Variants in SKAP2 observed in about 807,000 individuals in gnomAD.
The protein encoded by SKAP2 is src kinase-associated phosphoprotein 2.
SKAP2 carries 28 observed loss-of-function variants against 54.9 expected under a neutral mutation model. The observed-to-expected ratio is 0.51, with a 90% confidence interval of 0.38 to 0.70. The LOEUF is 0.70. SKAP2 is among the 30% of genes least tolerant of loss of function. The pLI is 0.00. For missense variants in SKAP2, 356 were observed against 424.1 expected (o/e 0.84, Z 1.41); for synonymous variants, 137 against 134.3 (o/e 1.02, Z -0.14).
At chr7:26,744,666 T>C (rs1293926735) in intron 4 of SKAP2, among the ~76,000 whole-genome samples, 1 of 152,098 alleles carries the variant, frequency 6.6e-6, no homozygotes, top group Non-Finnish European at 1.5e-5. Context: ...GGTGCCTCAA[T>C]ACACTATATT....
intron 9 of SKAP2, among the ~76,000 whole-genome samples, chr7:26,715,524 C>T (rs1562584865): frequency 6.6e-6 from 1 of 152,078 alleles, no homozygotes; most frequent in Non-Finnish European, 1.5e-5. Flanking sequence ...AGCCTGTAAT[C>T]GCAGCACTTT....
chr7:26,745,780 G>A (rs953339665), intron 4 of SKAP2, among the ~76,000 whole-genome samples: 1 of 152,248 alleles, frequency 6.6e-6, no homozygotes, highest in East Asian at 1.9e-4. Flanking sequence ...CTCCCAAAGT[G>A]CTGGTATTAT....
chr7:26,742,857 C>T (rs1782482618), intron 4 of SKAP2, among the ~76,000 whole-genome samples: 1 of 152,010 alleles, frequency 6.6e-6, no homozygotes, highest in African/African-American at 2.4e-5. Context: ...GATGGAAAAT[C>T]TGTTATAATA....
intron 4 of SKAP2, among the ~76,000 whole-genome samples, chr7:26,832,249 T>C (rs528771958): frequency 5.8e-4 from 89 of 152,330 alleles, no homozygotes; most frequent in Non-Finnish European, 1.1e-3. Flanking sequence ...GTAGTCCTTT[T>C]ACAGGAAAGA....
At chr7:26,756,351 C>T (rs899720681) in intron 4 of SKAP2, among the ~76,000 whole-genome samples, 2 of 152,060 alleles carry the variant, frequency 1.3e-5, no homozygotes, top group African/African-American at 4.8e-5. Flanking sequence ...CAACAGGTCC[C>T]GGTGTGTGAT....
At chr7:26,691,915 TG>T (rs146748593) in intron 9 of SKAP2, among the ~76,000 whole-genome samples, 1,629 of 152,284 alleles carry the variant, frequency 0.011, 29 homozygotes, top group African/African-American at 0.038. Context: ...TGAGGGGCCA[TG>T]AACATCTTGT....
intron 4 of SKAP2, among the ~76,000 whole-genome samples, chr7:26,840,543 A>G (rs767116427): frequency 9.2e-5 from 14 of 152,138 alleles, no homozygotes; most frequent in Non-Finnish European, 2.1e-4. Flanking sequence ...AAGTGTACAG[A>G]AAGGGATATT....
intron 4 of SKAP2, among the ~76,000 whole-genome samples, chr7:26,795,446 G>A (rs144115790): frequency 1.2e-3 from 177 of 152,164 alleles, no homozygotes; most frequent in Admixed American, 3.5e-3. Flanking sequence ...ACTTCTAAGT[G>A]GATTTTTGAA....
At chr7:26,710,772 G>A (rs955899970) in intron 9 of SKAP2, among the ~76,000 whole-genome samples, 2 of 152,116 alleles carry the variant, frequency 1.3e-5, no homozygotes, top group Non-Finnish European at 2.9e-5. Flanking sequence ...AGAAACTTCT[G>A]AAGTCTTTTT....
At chr7:26,747,214 A>G (rs146471701) in intron 4 of SKAP2, among the ~76,000 whole-genome samples, 11 of 152,302 alleles carry the variant, frequency 7.2e-5, no homozygotes, top group African/African-American at 2.4e-4. Flanking sequence ...AGATTCACCA[A>G]TGAATATACT....
chr7:26,804,738 C>CAA (rs11306463), intron 4 of SKAP2, among the ~76,000 whole-genome samples: 24 of 87,386 alleles, frequency 2.7e-4, no homozygotes, highest in African/African-American at 6.2e-4. Context: ...GACCCCGTCT[C>CAA]AAAAAAAAAA....
chr7:26,696,512 G>A (rs1786898082), intron 9 of SKAP2, among the ~76,000 whole-genome samples: 1 of 152,122 alleles, frequency 6.6e-6, no homozygotes, highest in South Asian at 2.1e-4. Context: ...AGATTTCTCA[G>A]GGGAAAAAAT....
chr7:26,683,833 T>C (rs1786568892), intron 11 of SKAP2, among the ~76,000 whole-genome samples: 1 of 152,148 alleles, frequency 6.6e-6, no homozygotes. Context: ...ACTATCTCTC[T>C]GAAAAGTCCA....
chr7:26,831,210 T>C (rs1298737760), intron 4 of SKAP2, among the ~76,000 whole-genome samples: 1 of 152,190 alleles, frequency 6.6e-6, no homozygotes, highest in East Asian at 1.9e-4. Context: ...ATGATGCCTA[T>C]GTATAAAATT....
chr7:26,842,967 C>T (rs1432130068), intron 4 of SKAP2, among the ~76,000 whole-genome samples: 1 of 151,852 alleles, frequency 6.6e-6, no homozygotes, highest in East Asian at 1.9e-4. Context: ...ACTATTATTG[C>T]TACACTTTGT....
At chr7:26,815,326 T>C (rs1020137647) in intron 4 of SKAP2, among the ~76,000 whole-genome samples, 13 of 152,132 alleles carry the variant, frequency 8.5e-5, no homozygotes, top group African/African-American at 3.1e-4. Flanking sequence ...ACTAAAGAAC[T>C]AGACAGAATA....
At chr7:26,799,462 A>C (rs528001467) in intron 4 of SKAP2, among the ~76,000 whole-genome samples, 1 of 152,322 alleles carries the variant, frequency 6.6e-6, no homozygotes, top group South Asian at 2.1e-4. Context: ...GAAGAGATAA[A>C]GAAGGTCACT....
At chr7:26,670,590 A>G (rs2128083435) in intron 11 of SKAP2, among the ~76,000 whole-genome samples, 1 of 152,220 alleles carries the variant, frequency 6.6e-6, no homozygotes, top group Admixed American at 6.5e-5. Context: ...GAAGCTTATC[A>G]TCTAGCAAGG....
chr7:26,832,212 T>C (rs1271751046), intron 4 of SKAP2, among the ~76,000 whole-genome samples: 2 of 152,220 alleles, frequency 1.3e-5, no homozygotes, highest in Non-Finnish European at 2.9e-5. Flanking sequence ...CTATTAGATA[T>C]GCATACCTTT....
Sources: allele counts gnomAD v4.1 joint callset (sites outside exome capture counted in the v4.1 genomes callset), GRCh38; gene constraint gnomAD v4.1.1; transcripts MANE v1.5; gene names NCBI Gene and HGNC (gene_info 2026-07-23, HGNC 2026-07-21).